C22orf42: variants seen among roughly 807,000 people sequenced by gnomAD.
C22orf42 encodes chromosome 22 open reading frame 42.
Under a neutral mutation model 31.4 loss-of-function variants are expected in C22orf42, and 24 were observed. That is an observed-to-expected ratio of 0.77 (90% CI 0.55 to 1.08). C22orf42 has a LOEUF of 1.08. C22orf42 is among the 50% of genes least tolerant of loss of function. The pLI is 0.00. For synonymous variants in C22orf42, 96 were observed against 112.7 expected, an observed-to-expected ratio of 0.85 and a Z score of 0.94; for missense variants, 276 against 327.3, an observed-to-expected ratio of 0.84 and a Z score of 1.21.
upstream of C22orf42, chr22:32,160,365 A>G (rs1921527186): frequency 6.6e-6 from 1 of 152,150 alleles, no homozygotes; most frequent in Non-Finnish European, 1.5e-5. Context: ...TTCATTCAAC[A>G]TTAAGTCTAA....
chr22:32,152,807 A>T (rs1300157557), intron 2 of C22orf42, among the ~76,000 whole-genome samples, 181 bp from the exon 3 acceptor site: 2 of 152,218 alleles, frequency 1.3e-5, no homozygotes, highest in Admixed American at 6.5e-5. Flanking sequence ...GGGCAGAAAG[A>T]AATGAAAGAG....
Position 32,159,259 on chromosome 22 carries a change from G to C in C22orf42, c.-44C>G, listed in dbSNP as rs1458739900. The stretch of plus-strand genomic sequence containing the variant: ...AAAAAGTCCAAGAGGCACAAGGACA[G>C]AATGTAGTCGGAGCTCCTCCTCCTT... On this transcript the variant is annotated 5_prime_UTR_variant, in exon 1 of 9. Transcript: ENST00000382097. 2 of 1,599,194 alleles carry C rather than the reference G, an allele frequency of 1.3e-6. No homozygotes were observed. Among genetic ancestry groups the C allele is most frequent in the East Asian group, 4.5e-5 (2 of 44,784 alleles).
At chr22:32,154,146 T>A in intron 2 of C22orf42, 98 bp downstream of exon 2, 2 of 1,078,632 alleles carry the variant, frequency 1.9e-6, no homozygotes, top group East Asian at 2.4e-5. Flanking sequence ...ATGAAGAACA[T>A]GACATAGCAT....
chr22:32,149,683 A>G, intron 8 of C22orf42, 70 bp from the exon 9 acceptor site: 1 of 1,217,712 alleles, frequency 8.2e-7, no homozygotes, highest in Non-Finnish European at 1.1e-6. Flanking sequence ...ATATATGTAT[A>G]TCTACATATC....
At position 32,150,280 on chromosome 22, in the gene C22orf42, A is replaced by G. The variant is rs571626303; in HGVS notation, c.654+39T>C. On this transcript the variant is annotated intron_variant, in intron 7 of 8. Transcript: ENST00000382097. ...TCATTAATAAGGCAAGAGGACCCAG[A>G]AAAAACATTTCTCTTCCAGACAAAG... 5 of 1,597,580 alleles carry G rather than the reference A, an allele frequency of 3.1e-6. No individual in the cohort carries two copies. In the African/African-American group the frequency reaches 6.7e-5, roughly 21 times the overall value.
At chr22:32,152,715 A>T (rs559238986) in intron 2 of C22orf42, 89 bp from the exon 3 acceptor site, 3 of 1,302,070 alleles carry the variant, frequency 2.3e-6, no homozygotes, top group Non-Finnish European at 3.3e-6. Flanking sequence ...GGGCTGGAGT[A>T]TGTGGAGGTG....
rs537925409 is a variant in C22orf42 at position 32,150,770 on chromosome 22, C to T, written c.493+222G>A. On this transcript the variant is annotated intron_variant, in intron 6 of 8. Transcript: ENST00000382097. ...GTACTATAGAAACAGGAAGTACATT[C>T]GTGGCTGCCTAGATCCAGGGGTGTG... 17 of 638,644 alleles carry T rather than the reference C, an allele frequency of 2.7e-5. No individual in the cohort carries two copies. In the East Asian group the frequency reaches 2.7e-4, roughly 10 times the overall value. 39.6% of individuals were successfully genotyped at this position (638,644 alleles called of 1,614,324 possible).
rs772814338 is a variant in C22orf42 at position 32,159,114 on chromosome 22, C to CT, written c.101dup (p.Thr35AspfsTer22). 1 of 1,614,182 alleles carries CT rather than the reference C, an allele frequency of 6.2e-7. No homozygotes were observed. The highest frequency in any genetic ancestry group is 1.3e-5 in the African/African-American group (1 of 75,046). On this transcript the variant is annotated frameshift_variant, in exon 1 of 9. Transcript: ENST00000382097. LOFTEE classifies it high-confidence loss of function. Reference sequence around the variant, plus strand: ...ATGCTGGTGCTGTGGCTGCCACAGTCTCAGGAATCTCACACTCATGGCAGG... The same window carrying CT: ...ATGCTGGTGCTGTGGCTGCCACAGTCTTCAGGAATCTCACACTCATGGCAGG...
chr22:32,149,779 G>A lies in C22orf42; in HGVS notation c.656C>T (p.Ala219Val), dbSNP rs746689734. 6.7e-7 allele frequency: 1 copy of A among 1,486,934 alleles called. No homozygotes were observed. The highest frequency in any genetic ancestry group is 8.9e-7 in the Non-Finnish European group (1 of 1,117,716). 92.1% of individuals were successfully genotyped at this position (1,486,934 alleles called of 1,614,324 possible). Residue 219 changes from alanine to valine, a missense_variant and splice_region_variant, in exon 8 of 9, where the codon GCA becomes GTA. Coordinates refer to ENST00000382097, the MANE Select transcript of C22orf42 (RefSeq NM_001010859.3). ...SLEDLMTPEM[A>V]KERYEDYLCW... Reference sequence around the variant, plus strand: ...GAGGTAATCTTCATATCTCTCCTTTGCCTGCAATAGGAGAAAGGAAAACGC... The same window carrying A: ...GAGGTAATCTTCATATCTCTCCTTTACCTGCAATAGGAGAAAGGAAAACGC...
Position 32,149,649 on chromosome 22 carries a change from AAAT to A in C22orf42, c.683-39_683-37del, listed in dbSNP as rs1406363051. ...AGAACAAGACTTCATCTCAAAAAAA[AAAT>A]ATATATATATATATATCTACATATA... On this transcript the variant is annotated intron_variant, in intron 8 of 8. Transcript: ENST00000382097. 97 of 1,325,532 alleles carry A rather than the reference AAAT, an allele frequency of 7.3e-5. 1 individual carries two copies. The highest frequency in any genetic ancestry group is 3.2e-4 in the Admixed American group (12 of 37,194). 82.1% of individuals were successfully genotyped at this position (1,325,532 alleles called of 1,614,324 possible). A position where few individuals can be genotyped will look rare whatever the true frequency, so the allele number is the denominator to read the frequency against.
At chr22:32,154,557 T>G (rs146663072) in intron 1 of C22orf42, among the ~76,000 whole-genome samples, 2,824 of 152,336 alleles carry the variant, frequency 0.019, 34 homozygotes, top group Middle Eastern at 0.058. Context: ...GGCAGATACC[T>G]TTATTTAGAT....
chr22:32,150,495 G>T lies in C22orf42; in HGVS notation c.494-16C>A. ...TCGACCAAATCTAGGAGAACATAGTGACAGTCAGTGCATTGGTGCTGCTGA... is the reference window on the plus strand; with the variant it reads ...TCGACCAAATCTAGGAGAACATAGTTACAGTCAGTGCATTGGTGCTGCTGA... On this transcript the variant is annotated splice_polypyrimidine_tract_variant and intron_variant, in intron 6 of 8. Transcript: ENST00000382097. The T allele has an allele frequency of 6.2e-7, 1 of 1,613,914 alleles. No individual in the cohort carries two copies.
intron 1 of C22orf42, among the ~76,000 whole-genome samples, chr22:32,157,124 CA>C (rs752044875): frequency 1.2e-4 from 19 of 152,066 alleles, no homozygotes; most frequent in Non-Finnish European, 2.2e-4. Context: ...CTCTATTTAT[CA>C]CTTTATTACC....
At chr22:32,158,686 A>G (rs1367639529) in intron 1 of C22orf42, among the ~76,000 whole-genome samples, 2 of 152,194 alleles carry the variant, frequency 1.3e-5, no homozygotes, top group Admixed American at 6.5e-5. Context: ...TAGGTACCAG[A>G]CCAGCTGGAT....
At chr22:32,158,947 G>C (rs746112432) in intron 1 of C22orf42, 37 bp downstream of exon 1, 1 of 1,612,250 alleles carries the variant, frequency 6.2e-7, no homozygotes, top group Non-Finnish European at 8.5e-7. Context: ...TGGCCAGAGA[G>C]ATGCCAGAGA....
chr22:32,159,531 A>T, upstream of C22orf42: 4 of 1,204,060 alleles, frequency 3.3e-6, no homozygotes, highest in Non-Finnish European at 4.2e-6. Context: ...GTCCTGAGAA[A>T]AGTGCAGGGG....
At chr22:32,151,060 G>T in intron 5 of C22orf42, 41 bp from the exon 6 acceptor site, 2 of 1,602,628 alleles carry the variant, frequency 1.2e-6, no homozygotes, top group Non-Finnish European at 1.7e-6. Flanking sequence ...ATGAGGATCA[G>T]ATCTTGCTGG....
intron 1 of C22orf42, 40 bp from the exon 2 acceptor site, chr22:32,154,358 G>A: frequency 3.1e-6 from 5 of 1,603,374 alleles, no homozygotes; most frequent in Non-Finnish European, 4.2e-6. Flanking sequence ...TCTAGGAAAT[G>A]TATTATAATA....
chr22:32,154,060 G>A (rs1921127460), intron 2 of C22orf42, among the ~76,000 whole-genome samples, 184 bp downstream of exon 2: 1 of 151,466 alleles, frequency 6.6e-6, no homozygotes, highest in South Asian at 2.1e-4. Flanking sequence ...ACTCTAACTT[G>A]TCAATATTAC....
Sources: allele counts gnomAD v4.1 joint callset (sites outside exome capture counted in the v4.1 genomes callset), GRCh38; gene constraint gnomAD v4.1.1; transcripts MANE v1.5; gene names NCBI Gene and HGNC (gene_info 2026-07-23, HGNC 2026-07-21).